Variants in TEX22 observed in about 807,000 individuals in gnomAD.
TEX22 encodes testis expressed 22, also known as testis-expressed protein 22.
A neutral mutation model predicts 11.3 loss-of-function variants in TEX22; 16 were observed. The ratio of observed to expected loss-of-function variants is 1.42; its 90% CI spans 0.96 to 2.15. The LOEUF (loss-of-function observed/expected upper bound fraction) is 2.15, where lower values mean the gene tolerates loss of function less well. Among genes scored for constraint, TEX22 ranks in the 30% most tolerant of loss-of-function variants. The pLI is 0.00. For missense variants in TEX22, 220 were observed against 208.6 expected, an observed-to-expected ratio of 1.05 and a Z score of -0.34; for synonymous variants, 97 against 92.3, an observed-to-expected ratio of 1.05 and a Z score of -0.29.
intron 2 of TEX22, 58 bp downstream of exon 2, chr14:105,399,548 C>T: frequency 4.1e-6 from 6 of 1,467,254 alleles, no homozygotes; most frequent in East Asian, 5.0e-5. Context: ...CGCCTGAGGC[C>T]GCTGTCTCTG....
At position 105,411,928 on chromosome 14, in the gene TEX22, G is replaced by C. The variant is rs782044903; in HGVS notation, c.*95G>C. 25 of 1,229,900 alleles carry C rather than the reference G, an allele frequency of 2.0e-5. No homozygotes were observed. Among genetic ancestry groups the C allele is most frequent in the Non-Finnish European group, 2.6e-5 (24 of 932,052 alleles). 76.2% of individuals were successfully genotyped at this position (1,229,900 alleles called of 1,614,324 possible). A position where few individuals can be genotyped will look rare whatever the true frequency, so the allele number is the denominator to read the frequency against. On this transcript the variant is annotated 3_prime_UTR_variant, in exon 4 of 4. Coordinates refer to ENST00000451127, the MANE Select transcript of TEX22 (RefSeq NM_001195082.2). ...GCGCCTTCTTTGTGCCCCACCAGGG[G>C]GTCACCACCCACCCATGTTAGGAAA...
intron 2 of TEX22, among the ~76,000 whole-genome samples, chr14:105,400,679 G>C (rs2081622037): frequency 6.6e-6 from 1 of 152,194 alleles, no homozygotes; most frequent in South Asian, 2.1e-4. Flanking sequence ...TATGGGTAAT[G>C]GTGGTTGAGG....
intron 2 of TEX22, among the ~76,000 whole-genome samples, chr14:105,402,737 C>T (rs1595218980): frequency 7.6e-6 from 1 of 131,120 alleles, no homozygotes; most frequent in South Asian, 2.3e-4. Flanking sequence ...GCCTGGGCGA[C>T]AGAGCGAGAC....
chr14:105,408,387 A>G (rs1319841699), intron 2 of TEX22, among the ~76,000 whole-genome samples: 9 of 150,406 alleles, frequency 6.0e-5, no homozygotes, highest in Non-Finnish European at 1.3e-4. Context: ...GACTACAGGC[A>G]CCCACCACCA....
intron 2 of TEX22, among the ~76,000 whole-genome samples, chr14:105,410,701 G>A (rs1047154792): frequency 1.7e-4 from 26 of 152,194 alleles, no homozygotes; most frequent in African/African-American, 6.3e-4. Context: ...CCTGGTGAGG[G>A]AGGTGGAGGA....
chr14:105,409,501 C>T (rs7146370), intron 2 of TEX22, among the ~76,000 whole-genome samples: 11,275 of 132,406 alleles, frequency 0.085, 1,882 homozygotes, highest in African/African-American at 0.33. Context: ...TCTTCTTCTT[C>T]TTTTTTTTTT....
In TEX22 at chr14:105,412,690, A is replaced by C. The variant is rs1555419512; in HGVS notation, c.*857A>C. On this transcript the variant is annotated 3_prime_UTR_variant, in exon 4 of 4. Transcript: ENST00000451127. This position sits in a 1 kb window ranked among gnomAD's most constrained non-coding sequence, Gnocchi z 5.8. ...AGGAGAGCTGTGAGCATGGGTTCCC[A>C]GCCCGGGGTGGGTGGGGGTGGGGAA... 7.9e-6 allele frequency: 1 copy of C among 126,066 alleles called. No individual in the cohort carries two copies. Among genetic ancestry groups the C allele is most frequent in the Admixed American group, 8.3e-5 (1 of 12,062 alleles). 7.8% of individuals were successfully genotyped at this position (126,066 alleles called of 1,614,324 possible).
chr14:105,413,169 G>A lies in TEX22; in HGVS notation c.*1336G>A, dbSNP rs1364722156. Reference sequence around the variant, plus strand: ...GCATTTCTCAGGAGCCCTAGGGTAGGTGGATGGAGGGCAGATCCTCCAGGG... The same window carrying A: ...GCATTTCTCAGGAGCCCTAGGGTAGATGGATGGAGGGCAGATCCTCCAGGG... On this transcript the variant is annotated 3_prime_UTR_variant, in exon 4 of 4. Coordinates refer to ENST00000451127, the MANE Select transcript of TEX22 (RefSeq NM_001195082.2). This position sits in a 1 kb window ranked among gnomAD's most constrained non-coding sequence, Gnocchi z 4.2. 1 of 152,378 alleles carries A rather than the reference G, an allele frequency of 6.6e-6. No individual in the cohort carries two copies. The highest frequency in any genetic ancestry group is 1.5e-5 in the Non-Finnish European group (1 of 68,154). 9.4% of individuals were successfully genotyped at this position (152,378 alleles called of 1,614,324 possible). A position where few individuals can be genotyped will look rare whatever the true frequency, so the allele number is the denominator to read the frequency against.
intron 2 of TEX22, among the ~76,000 whole-genome samples, chr14:105,401,535 C>G (rs1232539437): frequency 7.6e-6 from 1 of 130,920 alleles, no homozygotes; most frequent in Non-Finnish European, 1.5e-5. Context: ...TGAACAATGA[C>G]AACACTTGGA....
At chr14:105,406,601 G>C (rs1187362483) in intron 2 of TEX22, among the ~76,000 whole-genome samples, 6 of 151,520 alleles carry the variant, frequency 4.0e-5, no homozygotes, top group Non-Finnish European at 8.8e-5. Context: ...CCAGCTGCTC[G>C]GGAGGCAGAA....
chr14:105,403,263 G>A (rs782360734), intron 2 of TEX22, among the ~76,000 whole-genome samples: 1 of 152,206 alleles, frequency 6.6e-6, no homozygotes, highest in Non-Finnish European at 1.5e-5. Flanking sequence ...GTACATTAAA[G>A]CATCACTATA....
At chr14:105,400,052 G>A (rs2081617920) in intron 2 of TEX22, among the ~76,000 whole-genome samples, 1 of 152,220 alleles carries the variant, frequency 6.6e-6, no homozygotes, top group Admixed American at 6.5e-5. Context: ...TCAGCCTTAG[G>A]ACGTTCTCTG....
At chr14:105,406,756 G>A (rs935259671) in intron 2 of TEX22, among the ~76,000 whole-genome samples, 4 of 151,858 alleles carry the variant, frequency 2.6e-5, no homozygotes, top group Admixed American at 2.0e-4. Flanking sequence ...TGGAGTTGGT[G>A]AGGATGTAAG....
chr14:105,411,898 C>G lies in TEX22; in HGVS notation c.*65C>G. 1 of 1,356,946 alleles carries G rather than the reference C, an allele frequency of 7.4e-7. No individual in the cohort carries two copies. Among genetic ancestry groups the G allele is most frequent in the Non-Finnish European group, 9.6e-7 (1 of 1,046,306 alleles). The allele number at this position is 1,356,946 out of a possible 1,614,324, so 84.1% of individuals were successfully genotyped here. A position where few individuals can be genotyped will look rare whatever the true frequency, so the allele number is the denominator to read the frequency against. ...CCTTGGGGGCCCACGGTGGGGGCAG[C>G]CTCTGCGCCTTCTTTGTGCCCCACC... On this transcript the variant is annotated 3_prime_UTR_variant, in exon 4 of 4. Coordinates refer to ENST00000451127, the MANE Select transcript of TEX22 (RefSeq NM_001195082.2).
Position 105,406,342 on chromosome 14 carries a change from T to C in TEX22, c.151-5026T>C, listed in dbSNP as rs782014179. ...TGGAAGAAAATACTTGTAATATTTA[T>C]AACATTCAAATGTTTACCAACCAGA... On this transcript the variant is annotated intron_variant, in intron 2 of 3. Transcript: ENST00000451127. 6.1e-4 allele frequency among the ~76,000 whole-genome samples: 93 copies of C among 152,372 alleles called. 1 individual carries two copies. In the Middle Eastern group the frequency reaches 0.027, roughly 45 times the overall value.
intron 2 of TEX22, among the ~76,000 whole-genome samples, chr14:105,406,523 A>G (rs2081659072): frequency 6.6e-6 from 1 of 152,158 alleles, no homozygotes; most frequent in African/African-American, 2.4e-5. Flanking sequence ...ACCAGTCTGG[A>G]CAGCATAGTG....
chr14:105,403,390 G>A (rs151276724), intron 2 of TEX22, among the ~76,000 whole-genome samples: 17 of 152,252 alleles, frequency 1.1e-4, no homozygotes, highest in East Asian at 5.8e-4. Context: ...TCTTAGGTCC[G>A]TGGTTGTGAC....
rs2081634150 is a variant in TEX22, at chr14:105,402,523, GGC to G, written c.150+3035_150+3036del. ...TAATCCCAGCACTTTGGGAGGCTGG[GGC>G]GGGCAGATCACAAGGTCTGGAGATC... On this transcript the variant is annotated intron_variant, in intron 2 of 3. Transcript: ENST00000451127. Among the ~76,000 whole-genome samples the G allele has an allele frequency of 3.9e-5, 6 of 152,082 alleles. No individual in the cohort carries two copies. The South Asian group carries it at 6.2e-4, about 16-fold the overall frequency.
In TEX22 at chr14:105,411,776, C is replaced by G. The variant is rs186832203; in HGVS notation, c.396C>G (p.Arg132=). 1.7e-3 allele frequency: 2,608 copies of G among 1,503,414 alleles called. 45 individuals carry two copies. In the African/African-American group the frequency reaches 0.029, roughly 17 times the overall value. The allele number at this position is 1,503,414 out of a possible 1,614,324, so 93.1% of individuals were successfully genotyped here. The change falls in exon 4 of 4, where the codon CGC becomes CGG. Residue 132 remains arginine, a synonymous_variant. Coordinates refer to ENST00000451127, the MANE Select transcript of TEX22 (RefSeq NM_001195082.2). ...STNAFQAFLA[R]SAPFWHNATF... ...ACGCCTTCCAGGCCTTCCTGGCGCG[C>G]AGTGCGCCTTTCTGGCATAATGCGA...
Sources: gnomAD v4.1 joint callset for allele counts (sites outside exome capture counted in the v4.1 genomes callset) on GRCh38, gnomAD v4.1.1 for gene constraint, Gnocchi (gnomAD v3.1) non-coding constraint, MANE v1.5 for transcripts, NCBI Gene and HGNC (gene_info 2026-07-23, HGNC 2026-07-21) for gene names.